BBS9: variants seen among roughly 807,000 people sequenced by gnomAD.
The protein encoded by BBS9 is protein PTHB1.
In BBS9, 89 loss-of-function variants were observed where a neutral mutation model predicts 117.7. The observed-to-expected ratio is 0.76, with a 90% CI of 0.64 to 0.90. The LOEUF is 0.90. Ranked by LOEUF, BBS9 falls within the 40% of genes least tolerant of loss-of-function variation. The probability of loss-of-function intolerance (pLI) is 0.00; values close to 1 mark genes in which losing one functional copy is unlikely to be tolerated. For missense variants in BBS9, 982 were observed against 1,042.2 expected (o/e 0.94, Z 0.80); for synonymous variants, 379 against 370.9 (o/e 1.02, Z -0.25).
chr7:33,492,410 G>A (rs554003217), intron 19 of BBS9, among the ~76,000 whole-genome samples: 2 of 152,038 alleles, frequency 1.3e-5, no homozygotes, highest in Admixed American at 6.6e-5. Context: ...GCTTAAAGAC[G>A]TCGAGGACCT....
chr7:33,612,481 C>T (rs1864931542), intron 21 of BBS9, among the ~76,000 whole-genome samples: 1 of 151,988 alleles, frequency 6.6e-6, no homozygotes, highest in African/African-American at 2.4e-5. Flanking sequence ...ATCTGGTCCT[C>T]CCTTTCCATT....
At chr7:33,462,053 A>G (rs189682743) in intron 19 of BBS9, among the ~76,000 whole-genome samples, 1 of 152,038 alleles carries the variant, frequency 6.6e-6, no homozygotes, top group Non-Finnish European at 1.5e-5. Flanking sequence ...AAACATGAAG[A>G]TGTATAGTTT....
intron 5 of BBS9, among the ~76,000 whole-genome samples, chr7:33,255,131 G>A (rs545478384): frequency 6.6e-6 from 1 of 152,036 alleles, no homozygotes; most frequent in African/African-American, 2.4e-5. Context: ...TTTCTTTGCT[G>A]TGCAGAAAAT....
intron 9 of BBS9, among the ~76,000 whole-genome samples, chr7:33,333,630 T>C (rs1814632025): frequency 6.6e-6 from 1 of 152,266 alleles, no homozygotes; most frequent in Non-Finnish European, 1.5e-5. Flanking sequence ...GTCTTTTTTT[T>C]TTTGAGACCG....
chr7:33,177,176 G>A (rs911020312), intron 4 of BBS9, among the ~76,000 whole-genome samples: 7 of 152,022 alleles, frequency 4.6e-5, no homozygotes, highest in African/African-American at 1.2e-4. Flanking sequence ...AAATTAGAGG[G>A]TTTTGTTGTT....
intron 7 of BBS9, among the ~76,000 whole-genome samples, chr7:33,269,286 C>T (rs947352046): frequency 6.6e-6 from 1 of 152,214 alleles, no homozygotes; most frequent in Admixed American, 6.5e-5. Context: ...CATAGCCTAA[C>T]TTTCACAGCA....
intron 19 of BBS9, among the ~76,000 whole-genome samples, chr7:33,488,449 C>A (rs1488887847): frequency 6.6e-6 from 1 of 152,052 alleles, no homozygotes; most frequent in African/African-American, 2.4e-5. Context: ...TAGGTAATAT[C>A]CTTAAAGGAG....
chr7:33,619,791 T>C lies in BBS9; in HGVS notation c.2522-15386T>C, dbSNP rs375608703. ...AAATCAAAAAGGAAATCCAAAAGTA[T>C]CTTGAGACAAAAGAAAACAGAAGCA... On this transcript the variant is annotated intron_variant, in intron 21 of 21. Transcript: ENST00000671952. Among the ~76,000 whole-genome samples, 342 of 152,146 alleles carry C rather than the reference T, an allele frequency of 2.2e-3. 2 individuals carry two copies. Among genetic ancestry groups the C allele is most frequent in the African/African-American group, 7.8e-3 (323 of 41,522 alleles).
chr7:33,619,194 AG>A (rs1381370343), intron 21 of BBS9, among the ~76,000 whole-genome samples: 1 of 152,178 alleles, frequency 6.6e-6, no homozygotes, highest in African/African-American at 2.4e-5. Flanking sequence ...AAAAGAGAGC[AG>A]GGGTGTCTAT....
chr7:33,415,367 T>C (rs1282756056), intron 19 of BBS9, among the ~76,000 whole-genome samples: 1 of 152,114 alleles, frequency 6.6e-6, no homozygotes, highest in Non-Finnish European at 1.5e-5. Flanking sequence ...CTAAGAGACC[T>C]GGAGACAAAC....
intron 21 of BBS9, among the ~76,000 whole-genome samples, chr7:33,589,513 A>C (rs1861512051): frequency 6.6e-6 from 1 of 152,104 alleles, no homozygotes; most frequent in Admixed American, 6.6e-5. Flanking sequence ...TAGTGGTGAG[A>C]AATGGTCTTA....
intron 21 of BBS9, among the ~76,000 whole-genome samples, chr7:33,619,155 A>G (rs1050580036): frequency 3.3e-5 from 5 of 152,150 alleles, no homozygotes; most frequent in African/African-American, 4.8e-5. Flanking sequence ...TGAAGGAATG[A>G]AAAAAGATAT....
At chr7:33,622,217 A>AC (rs1865445293) in intron 21 of BBS9, among the ~76,000 whole-genome samples, 1 of 151,724 alleles carries the variant, frequency 6.6e-6, no homozygotes, top group African/African-American at 2.4e-5. Flanking sequence ...AAAAATAAAA[A>AC]CAAAAAAAAT....
intron 4 of BBS9, among the ~76,000 whole-genome samples, chr7:33,167,840 T>C (rs1795938439): frequency 6.6e-6 from 1 of 152,184 alleles, no homozygotes; most frequent in African/African-American, 2.4e-5. Flanking sequence ...TTTTGGATGC[T>C]TGTAAAGTTT....
intron 4 of BBS9, among the ~76,000 whole-genome samples, chr7:33,168,795 A>G (rs1463963922): frequency 2.0e-5 from 3 of 152,074 alleles, no homozygotes; most frequent in Non-Finnish European, 4.4e-5. Context: ...CATGAAAAGC[A>G]TATCTTGCTT....
intron 19 of BBS9, among the ~76,000 whole-genome samples, chr7:33,450,854 C>T (rs1837699620): frequency 6.7e-6 from 1 of 150,100 alleles, no homozygotes; most frequent in Non-Finnish European, 1.5e-5. Context: ...GTTTCCTTTG[C>T]TGTTCAGAAG....
chr7:33,428,949 T>C (rs1834030849), intron 19 of BBS9, among the ~76,000 whole-genome samples: 1 of 152,184 alleles, frequency 6.6e-6, no homozygotes, highest in Admixed American at 6.5e-5. Flanking sequence ...TTGAAGAGTA[T>C]ATTCTATGAA....
chr7:33,462,370 G>T (rs891513521), intron 19 of BBS9, among the ~76,000 whole-genome samples: 1 of 152,032 alleles, frequency 6.6e-6, no homozygotes, highest in African/African-American at 2.4e-5. Flanking sequence ...TATAATGTCA[G>T]TTTGTAAATG....
At chr7:33,583,672 C>T (rs571675121) in intron 21 of BBS9, among the ~76,000 whole-genome samples, 4 of 152,030 alleles carry the variant, frequency 2.6e-5, no homozygotes, top group Non-Finnish European at 5.9e-5. Flanking sequence ...TAGGGCTTGA[C>T]TCTGGATTTG....
Sources: allele counts gnomAD v4.1 joint callset (sites outside exome capture counted in the v4.1 genomes callset), GRCh38; gene constraint gnomAD v4.1.1; transcripts MANE v1.5; gene names NCBI Gene and HGNC (gene_info 2026-07-23, HGNC 2026-07-21).